Variants in FBXL7 observed in about 807,000 individuals in gnomAD.
The protein encoded by FBXL7 is F-box and leucine rich repeat protein 7, also known as F-box/LRR-repeat protein 7.
In FBXL7, 12 loss-of-function variants were observed where a neutral mutation model predicts 38.3. The ratio of observed to expected loss-of-function variants is 0.31; its 90% CI spans 0.20 to 0.51. The LOEUF (loss-of-function observed/expected upper bound fraction) is 0.51. Among genes scored for constraint, FBXL7 ranks in the 20% least tolerant of loss-of-function variants. The pLI, the probability that FBXL7 is intolerant of heterozygous loss-of-function variation, is 0.98. For synonymous variants in FBXL7, 297 were observed against 300.9 expected (o/e 0.99, Z 0.13); for missense variants, 567 against 676.4 (o/e 0.84, Z 1.79).
intron 2 of FBXL7, among the ~76,000 whole-genome samples, chr5:15,666,250 A>G (rs1742272629): frequency 6.6e-6 from 1 of 152,110 alleles, no homozygotes; most frequent in Admixed American, 6.6e-5. Context: ...ATATTTTTAA[A>G]TGTTTATTAT....
At chr5:15,882,735 G>T (rs1740510133) in intron 2 of FBXL7, among the ~76,000 whole-genome samples, 1 of 152,080 alleles carries the variant, frequency 6.6e-6, no homozygotes, top group South Asian at 2.1e-4. Flanking sequence ...CATACCATAT[G>T]GGCACAGTTC....
chr5:15,610,906 A>G (rs1740211508), intron 1 of FBXL7, among the ~76,000 whole-genome samples: 1 of 152,188 alleles, frequency 6.6e-6, no homozygotes. Context: ...AACAAAAGAA[A>G]CTACAATAGA....
chr5:15,810,737 T>C (rs1737839060), intron 2 of FBXL7, among the ~76,000 whole-genome samples: 1 of 152,180 alleles, frequency 6.6e-6, no homozygotes, highest in Admixed American at 6.6e-5. Context: ...TTATAATACT[T>C]ACCAAAACTG....
At position 15,936,507 on chromosome 5, in the gene FBXL7, C is replaced by T. The variant is rs1742191038; in HGVS notation, c.797C>T (p.Pro266Leu). 8.7e-6 allele frequency: 14 copies of T among 1,613,580 alleles called. No individual in the cohort carries two copies. The highest frequency in any genetic ancestry group is 1.2e-5 in the Non-Finnish European group (14 of 1,179,896). Residue 266 changes from proline (P) to leucine (L), a missense_variant, in exon 4 of 4, where the codon CCC becomes CTC. Physicochemically the swap from Pro to Leu is moderately conservative, Grantham distance 98. Transcript: ENST00000504595. The surrounding 1 kb of genome is among the most constrained non-coding windows in gnomAD (Gnocchi z 6.0). ...LTREASIKLS[P>L]LHGKQISIRY... The stretch of plus-strand genomic sequence containing the variant: ...CGGGAGGCCTCCATTAAACTGTCAC[C>T]CTTGCATGGCAAACAGATTTCCATC...
intron 1 of FBXL7, among the ~76,000 whole-genome samples, chr5:15,605,289 C>T (rs1402435750): frequency 6.6e-6 from 1 of 152,152 alleles, no homozygotes; most frequent in East Asian, 1.9e-4. Flanking sequence ...AGCACTCCGT[C>T]ATTGCAGCAG....
chr5:15,640,608 C>T (rs914963213), intron 2 of FBXL7, among the ~76,000 whole-genome samples: 3 of 151,588 alleles, frequency 2.0e-5, no homozygotes, highest in Non-Finnish European at 2.9e-5. Context: ...ACTGCATCCT[C>T]CACCTCCTGT....
At chr5:15,924,632 C>CTTTTTTT (rs34865383) in intron 2 of FBXL7, among the ~76,000 whole-genome samples, 18 of 120,020 alleles carry the variant, frequency 1.5e-4, no homozygotes, top group East Asian at 2.4e-4. Context: ...TCTCATTATT[C>CTTTTTTT]TTTTTTTTTT....
intron 2 of FBXL7, among the ~76,000 whole-genome samples, chr5:15,627,622 AAT>A (rs1740862098): frequency 6.6e-6 from 1 of 152,154 alleles, no homozygotes; most frequent in Non-Finnish European, 1.5e-5. Context: ...GTCAGTGACA[AAT>A]AGGCCATTCT....
Position 15,937,346 on chromosome 5 carries a change from A to C in FBXL7, c.*160A>C. ...TTATTTTTCCTCATTTCTCATGGGC[A>C]ACAGAGGCCAAAGAAACGAAGCAAG... is the stretch of plus-strand genomic sequence containing the variant. On this transcript the variant is annotated 3_prime_UTR_variant, in exon 4 of 4. Coordinates refer to ENST00000504595, the MANE Select transcript of FBXL7 (RefSeq NM_012304.5). 1 of 900,292 alleles carries C rather than the reference A, an allele frequency of 1.1e-6. No homozygotes were observed. The highest frequency in any genetic ancestry group is 1.6e-6 in the Non-Finnish European group (1 of 616,616). The allele number at this position is 900,292 out of a possible 1,614,324, so 55.8% of individuals were successfully genotyped here.
chr5:15,842,705 A>T (rs1419551610), intron 2 of FBXL7, among the ~76,000 whole-genome samples: 1 of 152,180 alleles, frequency 6.6e-6, no homozygotes, highest in Non-Finnish European at 1.5e-5. Context: ...CATTGTAGTG[A>T]TTAAATCTCA....
chr5:15,802,656 C>CTT (rs796900921), intron 2 of FBXL7, among the ~76,000 whole-genome samples: 6 of 144,326 alleles, frequency 4.2e-5, no homozygotes, highest in South Asian at 2.2e-4. Flanking sequence ...CCACATCATC[C>CTT]TTTTTTTTTT....
intron 3 of FBXL7, chr5:15,935,115 G>A (rs1742141945): frequency 1.9e-6 from 1 of 531,262 alleles, no homozygotes; most frequent in South Asian, 1.4e-5. Context: ...TGTGGTGTGC[G>A]GGAAATGACA....
chr5:15,566,937 G>C (rs1738592634), intron 1 of FBXL7, among the ~76,000 whole-genome samples: 2 of 152,104 alleles, frequency 1.3e-5, no homozygotes, highest in African/African-American at 4.8e-5. Flanking sequence ...ATTCCTCCCA[G>C]TTAGACAGTG....
chr5:15,672,195 G>C (rs1038177185), intron 2 of FBXL7, among the ~76,000 whole-genome samples: 5 of 152,156 alleles, frequency 3.3e-5, no homozygotes, highest in African/African-American at 1.2e-4. Context: ...GGTATCGTTT[G>C]ACCATATAAG....
chr5:15,862,312 C>A (rs995157714), intron 2 of FBXL7, among the ~76,000 whole-genome samples: 1 of 152,138 alleles, frequency 6.6e-6, no homozygotes, highest in Non-Finnish European at 1.5e-5. Flanking sequence ...GTGAAACGTG[C>A]CTTTCACCTT....
intron 2 of FBXL7, among the ~76,000 whole-genome samples, chr5:15,756,650 G>C (rs779887000): frequency 1.3e-5 from 2 of 152,126 alleles, no homozygotes; most frequent in African/African-American, 4.8e-5. Context: ...GATAATAAAG[G>C]CTTTGCAAGT....
intron 2 of FBXL7, among the ~76,000 whole-genome samples, chr5:15,749,484 A>G (rs939637182): frequency 6.7e-6 from 1 of 150,024 alleles, no homozygotes; most frequent in East Asian, 2.0e-4. Flanking sequence ...AAAATTAGCC[A>G]GGCGTGGTTG....
intron 2 of FBXL7, among the ~76,000 whole-genome samples, chr5:15,856,924 A>C (rs1739289674): frequency 6.6e-6 from 1 of 152,188 alleles, no homozygotes; most frequent in South Asian, 2.1e-4. Flanking sequence ...AACATGTTTT[A>C]ATAAACATTC....
At position 15,767,798 on chromosome 5, in the gene FBXL7, C is replaced by T. The variant is rs191022898; in HGVS notation, c.127+151726C>T. Among the ~76,000 whole-genome samples, 5 of 152,204 alleles carry T rather than the reference C, an allele frequency of 3.3e-5. No homozygotes were observed. The East Asian group carries it at 9.7e-4, about 29-fold the overall frequency. ...ATATTTGATGACAAAAACAAATGCC[C>T]TTGGCAAAGCATACACACAGATTAT... On this transcript the variant is annotated intron_variant, in intron 2 of 3. Coordinates refer to ENST00000504595, the MANE Select transcript of FBXL7 (RefSeq NM_012304.5).
Sources: allele counts gnomAD v4.1 joint callset (sites outside exome capture counted in the v4.1 genomes callset), GRCh38; gene constraint gnomAD v4.1.1; non-coding constraint Gnocchi (gnomAD v3.1); transcripts MANE v1.5; gene names NCBI Gene and HGNC (gene_info 2026-07-23, HGNC 2026-07-21).